Variants in RNLS observed in about 807,000 individuals in gnomAD.
The protein encoded by RNLS is renalase.
RNLS carries 39 observed loss-of-function variants against 39.8 expected under a neutral mutation model. The ratio of observed to expected loss-of-function variants is 0.98; its 90% CI spans 0.76 to 1.28. RNLS has a LOEUF of 1.28. Among genes scored for constraint, RNLS ranks in the 50% most tolerant of loss-of-function variants. The probability of loss-of-function intolerance (pLI) is 0.00; values close to 1 mark genes in which losing one functional copy is unlikely to be tolerated. For synonymous variants in RNLS, 147 were observed against 150.7 expected, an observed-to-expected ratio of 0.98 and a Z score of 0.18; for missense variants, 410 against 413.3, an observed-to-expected ratio of 0.99 and a Z score of 0.07.
At chr10:88,203,548 G>A in the RNLS span, among the ~76,000 whole-genome samples, 1 of 146,452 alleles carries the variant, frequency 6.8e-6, no homozygotes, top group South Asian at 2.2e-4. Context: ...GTGGTTCAAG[G>A]ACCGTTTACA....
chr10:88,219,935 G>A, the RNLS span, among the ~76,000 whole-genome samples: 2 of 152,178 alleles, frequency 1.3e-5, no homozygotes, highest in African/African-American at 4.8e-5. Flanking sequence ...ATCTCCTCTG[G>A]GGAATGGGAA....
the RNLS span, among the ~76,000 whole-genome samples, chr10:88,193,790 C>A: frequency 2.6e-5 from 4 of 152,116 alleles, no homozygotes; most frequent in Non-Finnish European, 5.9e-5. Flanking sequence ...AAGGACTGTG[C>A]TGTTTTTATC....
intron 4 of RNLS, among the ~76,000 whole-genome samples, chr10:88,389,240 C>T (rs973066262): frequency 3.3e-5 from 5 of 151,984 alleles, no homozygotes; most frequent in Admixed American, 6.6e-5. Context: ...TGGTTTACCT[C>T]CTAGGATTCA....
chr10:88,181,099 A>G, the RNLS span, among the ~76,000 whole-genome samples: 1 of 152,176 alleles, frequency 6.6e-6, no homozygotes, highest in Non-Finnish European at 1.5e-5. Context: ...ATCTTTAGGC[A>G]GGGAGAATTT....
At chr10:88,273,521 T>A (rs183232166), downstream of RNLS, among the ~76,000 whole-genome samples, 682 of 152,352 alleles carry the variant, frequency 4.5e-3, 5 homozygotes, top group African/African-American at 0.015. Flanking sequence ...ACCCACATTT[T>A]AAAATGACTG....
intron 6 of RNLS, among the ~76,000 whole-genome samples, chr10:88,286,902 C>T (rs1356721054): frequency 6.6e-6 from 1 of 151,816 alleles, no homozygotes; most frequent in East Asian, 1.9e-4. Context: ...AGAGATTCTC[C>T]TGCCTTAGCT....
chr10:88,242,975 A>C, the RNLS span, among the ~76,000 whole-genome samples: 2 of 144,520 alleles, frequency 1.4e-5, no homozygotes, highest in African/African-American at 2.5e-5. Flanking sequence ...ACAAACAAAC[A>C]AACCCATAAG....
chr10:88,495,710 C>T (rs1399869435), intron 4 of RNLS, among the ~76,000 whole-genome samples: 1 of 151,692 alleles, frequency 6.6e-6, no homozygotes. Flanking sequence ...AAGAGTGGGG[C>T]AGGGATGGGA....
chr10:88,307,480 T>C lies in RNLS; in HGVS notation c.876+6986A>G, dbSNP rs557516238. ...AAACAACTTCAGCAAAGTCTCAGGA[T>C]ACAAAATCAACGTGCAAAAATCACT... is the stretch of plus-strand genomic sequence containing the variant. On this transcript the variant is annotated intron_variant, in intron 6 of 6. Coordinates refer to ENST00000331772, the MANE Select transcript of RNLS (RefSeq NM_001031709.3). 1.4e-4 allele frequency among the ~76,000 whole-genome samples: 21 copies of C among 152,332 alleles called. No individual in the cohort carries two copies. In the East Asian group the frequency reaches 3.5e-3, roughly 25 times the overall value.
At chr10:88,333,787 AG>A (rs953484136) in intron 5 of RNLS, among the ~76,000 whole-genome samples, 4 of 152,284 alleles carry the variant, frequency 2.6e-5, no homozygotes, top group African/African-American at 9.6e-5. Flanking sequence ...TTTGGTCATG[AG>A]GGCTACGACT....
chr10:88,546,400 T>C (rs969408003), intron 4 of RNLS, among the ~76,000 whole-genome samples: 2 of 151,878 alleles, frequency 1.3e-5, no homozygotes, highest in Non-Finnish European at 2.9e-5. Flanking sequence ...GAACCAGAAA[T>C]GAAAAATATA....
At chr10:88,449,536 T>G (rs886632609) in intron 4 of RNLS, among the ~76,000 whole-genome samples, 3 of 152,192 alleles carry the variant, frequency 2.0e-5, no homozygotes, top group Non-Finnish European at 2.9e-5. Context: ...TAATAATAAT[T>G]TTTATTAACT....
intron 4 of RNLS, among the ~76,000 whole-genome samples, chr10:88,527,276 G>A (rs951908046): frequency 6.6e-6 from 1 of 152,100 alleles, no homozygotes; most frequent in African/African-American, 2.4e-5. Context: ...GAACACTAAA[G>A]GTCTATCTCT....
intron 4 of RNLS, among the ~76,000 whole-genome samples, chr10:88,527,636 T>C (rs1194758973): frequency 2.0e-5 from 3 of 152,174 alleles, no homozygotes; most frequent in Admixed American, 1.3e-4. Context: ...CTGATTTTCC[T>C]TGGTGAAATG....
chr10:88,245,394 T>C, the RNLS span, among the ~76,000 whole-genome samples: 2 of 152,162 alleles, frequency 1.3e-5, no homozygotes, highest in Non-Finnish European at 2.9e-5. Context: ...GGCAAAGAGC[T>C]GCAGTCTCAG....
At chr10:88,460,099 G>C (rs1320873865) in intron 4 of RNLS, among the ~76,000 whole-genome samples, 1 of 152,070 alleles carries the variant, frequency 6.6e-6, no homozygotes, top group African/African-American at 2.4e-5. Flanking sequence ...GAGTTTTTAT[G>C]CTTCTTTTAC....
Position 88,362,521 on chromosome 10 carries a change from T to C in RNLS, c.700+31A>G, listed in dbSNP as rs76444379. 2.9e-4 allele frequency: 459 copies of C among 1,596,724 alleles called. No homozygotes were observed. The African/African-American group carries it at 5.7e-3, about 20-fold the overall frequency. On this transcript the variant is annotated intron_variant, in intron 5 of 6. Transcript: ENST00000331772. ...CATGATCTACACCCACCATTGTTGC[T>C]GTATTTAAGGGAAATAATAGGGGTA...
the RNLS span, among the ~76,000 whole-genome samples, chr10:88,228,545 T>A: frequency 6.6e-6 from 1 of 152,228 alleles, no homozygotes; most frequent in African/African-American, 2.4e-5. Context: ...CAGATATTGG[T>A]GAATACAGTA....
rs141846403 is a variant in RNLS at position 88,583,227 on chromosome 10, G to T, written c.-37C>A. 34 of 1,610,382 alleles carry T rather than the reference G, an allele frequency of 2.1e-5. No homozygotes were observed. The African/African-American group carries it at 4.1e-4, about 20-fold the overall frequency. ...GCAGCGATCCGCGCTGAGTCTCTGC[G>T]GCGGGGCCGTTCGGCCCGGGCTTTC... On this transcript the variant is annotated 5_prime_UTR_variant, in exon 1 of 7. Transcript: ENST00000331772.
Sources: allele counts gnomAD v4.1 joint callset (sites outside exome capture counted in the v4.1 genomes callset), GRCh38; gene constraint gnomAD v4.1.1; transcripts MANE v1.5; gene names NCBI Gene and HGNC (gene_info 2026-07-23, HGNC 2026-07-21).